The following ACVR2A variants were observed in gnomAD, a reference collection of about 807,000 sequenced individuals.
ACVR2A encodes the protein activin A receptor type 2A, also known as activin receptor type-2A.
ACVR2A carries 7 observed loss-of-function variants against 61.4 expected under a neutral mutation model. The observed-to-expected ratio is 0.11, with a 90% CI of 0.06 to 0.21. The LOEUF (loss-of-function observed/expected upper bound fraction) is 0.21. ACVR2A is among the 10% of genes least tolerant of loss of function. The probability of loss-of-function intolerance (pLI) is 1.00; values close to 1 mark genes in which losing one functional copy is unlikely to be tolerated. For synonymous variants in ACVR2A, 193 were observed against 208.3 expected, an observed-to-expected ratio of 0.93 and a Z score of 0.63; for missense variants, 322 against 621.7, an observed-to-expected ratio of 0.52 and a Z score of 5.13.
chr2:147,894,363 A>G (rs1686672229), intron 1 of ACVR2A, among the ~76,000 whole-genome samples: 1 of 152,144 alleles, frequency 6.6e-6, no homozygotes, highest in Non-Finnish European at 1.5e-5. Context: ...CTTGTTTTTC[A>G]AATAGACAAG....
intron 1 of ACVR2A, among the ~76,000 whole-genome samples, chr2:147,893,823 T>C (rs1686655385): frequency 6.6e-6 from 1 of 152,156 alleles, no homozygotes. Flanking sequence ...TTCCAGTCTG[T>C]GACTTTTTTC....
At position 147,850,541 on chromosome 2, in the gene ACVR2A, A is replaced by C. The variant is rs943909280; in HGVS notation, c.55+5334A>C. 2.0e-5 allele frequency among the ~76,000 whole-genome samples: 3 copies of C among 152,148 alleles called. No homozygotes were observed. In the South Asian group the frequency reaches 6.2e-4, roughly 31 times the overall value. On this transcript the variant is annotated intron_variant, in intron 1 of 10. Coordinates refer to ENST00000241416, the MANE Select transcript of ACVR2A (RefSeq NM_001616.5). The stretch of plus-strand genomic sequence containing the variant: ...ATTTATCATCTCTGTTTAAGCCAAA[A>C]TTTGACTAGAACCAAGAGTATATTT...
chr2:147,876,977 G>C (rs1341319661), intron 1 of ACVR2A, among the ~76,000 whole-genome samples: 4 of 152,054 alleles, frequency 2.6e-5, no homozygotes, highest in Non-Finnish European at 4.4e-5. Context: ...TTTGAAAAGG[G>C]ATAACTGGTA....
At chr2:147,896,716 A>G (rs1041019254) in intron 2 of ACVR2A, 6 of 515,010 alleles carry the variant, frequency 1.2e-5, no homozygotes, top group African/African-American at 1.9e-5. Context: ...TCTTTGATAT[A>G]TTTTGAATAA....
chr2:147,907,655 G>A (rs554255773), intron 4 of ACVR2A, among the ~76,000 whole-genome samples: 1 of 152,234 alleles, frequency 6.6e-6, no homozygotes, highest in South Asian at 2.1e-4. Flanking sequence ...GCAAAGCCTG[G>A]GCATTTATAT....
chr2:147,926,963 G>C lies in ACVR2A; in HGVS notation c.1348-117G>C, dbSNP rs2105226196. 3.1e-6 allele frequency: 3 copies of C among 968,304 alleles called. No homozygotes were observed. The South Asian group carries it at 4.8e-5, about 16-fold the overall frequency. 60.0% of individuals were successfully genotyped at this position (968,304 alleles called of 1,614,324 possible). A position where few individuals can be genotyped will look rare whatever the true frequency, so the allele number is the denominator to read the frequency against. ...CACATGGTAGTCAATAAAAGTGAAT[G>C]TTGACAGAAACTTCTTTGACCCAGA... On this transcript the variant is annotated intron_variant, in intron 10 of 10. Coordinates refer to ENST00000241416, the MANE Select transcript of ACVR2A (RefSeq NM_001616.5).
upstream of ACVR2A, chr2:147,844,644 T>TCGCCGCCAC (rs1553483183): frequency 1.3e-5 from 2 of 153,588 alleles, no homozygotes; most frequent in East Asian, 2.0e-4. Flanking sequence ...CGCAGCCGCC[T>TCGCCGCCAC]CGCCGCCACC....
chr2:147,868,991 C>G (rs1207251737), intron 1 of ACVR2A, among the ~76,000 whole-genome samples: 2 of 151,808 alleles, frequency 1.3e-5, no homozygotes, highest in Non-Finnish European at 2.9e-5. Context: ...TTTTTCAGTT[C>G]TCTTCCTAAA....
At chr2:147,857,264 A>T (rs1417559049) in intron 1 of ACVR2A, among the ~76,000 whole-genome samples, 2 of 152,154 alleles carry the variant, frequency 1.3e-5, no homozygotes, top group Non-Finnish European at 2.9e-5. Flanking sequence ...ATATCCCCAC[A>T]TCAAGAACTG....
chr2:147,881,294 G>A (rs563606231), intron 1 of ACVR2A, among the ~76,000 whole-genome samples: 7 of 152,234 alleles, frequency 4.6e-5, no homozygotes, highest in Admixed American at 3.3e-4. Flanking sequence ...TTTAAAATCA[G>A]TGTCTTTATT....
chr2:147,906,951 A>T (rs1219163270), intron 4 of ACVR2A, among the ~76,000 whole-genome samples: 5 of 151,248 alleles, frequency 3.3e-5, no homozygotes. Flanking sequence ...TTTAAGCCCC[A>T]CATGCATTAA....
At chr2:147,861,346 A>C (rs756267920) in intron 1 of ACVR2A, among the ~76,000 whole-genome samples, 1 of 152,154 alleles carries the variant, frequency 6.6e-6, no homozygotes, top group Non-Finnish European at 1.5e-5. Flanking sequence ...ATTTGTATTT[A>C]TTTGACTCTG....
chr2:147,920,409 T>C, intron 8 of ACVR2A, 65 bp downstream of exon 8: 1 of 1,222,016 alleles, frequency 8.2e-7, no homozygotes, highest in Non-Finnish European at 1.2e-6. Context: ...TAGAATGGCA[T>C]GTCAGGACTG....
intron 1 of ACVR2A, among the ~76,000 whole-genome samples, chr2:147,884,922 A>T (rs1686391853): frequency 6.6e-6 from 1 of 152,130 alleles, no homozygotes; most frequent in Admixed American, 6.5e-5. Flanking sequence ...TATACCCAAT[A>T]CTACAGAATA....
intron 1 of ACVR2A, among the ~76,000 whole-genome samples, chr2:147,885,138 T>G (rs1416520371): frequency 6.6e-6 from 1 of 152,168 alleles, no homozygotes; most frequent in Non-Finnish European, 1.5e-5. Context: ...AGTGCAAATG[T>G]AACTGAATTC....
chr2:147,898,952 G>C (rs554618022), intron 2 of ACVR2A, among the ~76,000 whole-genome samples: 1 of 152,130 alleles, frequency 6.6e-6, no homozygotes, highest in African/African-American at 2.4e-5. Context: ...TTCTGATGTT[G>C]AAATGTTTCA....
At chr2:147,850,145 T>G (rs1685409017) in intron 1 of ACVR2A, among the ~76,000 whole-genome samples, 1 of 152,154 alleles carries the variant, frequency 6.6e-6, no homozygotes, top group Non-Finnish European at 1.5e-5. Flanking sequence ...CCTTTCATTA[T>G]TGTTCCCTTT....
chr2:147,910,106 A>AT (rs370479468), intron 4 of ACVR2A, among the ~76,000 whole-genome samples: 3 of 151,486 alleles, frequency 2.0e-5, no homozygotes, highest in Non-Finnish European at 3.0e-5. Flanking sequence ...AAGTGAATGT[A>AT]TTTTTTTGTT....
intron 1 of ACVR2A, among the ~76,000 whole-genome samples, chr2:147,882,834 A>G (rs1293870478): frequency 6.6e-6 from 1 of 152,194 alleles, no homozygotes; most frequent in Non-Finnish European, 1.5e-5. Context: ...ATTTCTGGGA[A>G]GAAAGCCAGA....
Sources: allele counts gnomAD v4.1 joint callset (sites outside exome capture counted in the v4.1 genomes callset), GRCh38; gene constraint gnomAD v4.1.1; transcripts MANE v1.5; gene names NCBI Gene and HGNC (gene_info 2026-07-23, HGNC 2026-07-21).